SCTR: variants seen among roughly 807,000 people sequenced by gnomAD.
The protein encoded by SCTR is pancreatic secretin receptor.
A neutral mutation model predicts 60.8 loss-of-function variants in SCTR; 56 were observed. The ratio of observed to expected loss-of-function variants is 0.92; its 90% CI spans 0.74 to 1.15. The LOEUF is 1.15. Ranked by LOEUF, SCTR falls within the 50% of genes most tolerant of loss-of-function variation. SCTR has a pLI of 0.00. For synonymous variants in SCTR, 202 were observed against 217.0 expected (o/e 0.93, Z 0.61); for missense variants, 562 against 550.4 (o/e 1.02, Z -0.21).
At chr2:119,489,986 T>C (rs960970173) in intron 2 of SCTR, among the ~76,000 whole-genome samples, 1 of 152,176 alleles carries the variant, frequency 6.6e-6, no homozygotes, top group Admixed American at 6.5e-5. Context: ...CTGCTGTCAT[T>C]GGAATTTCAG....
At chr2:119,478,572 G>C (rs1022140621) in intron 3 of SCTR, among the ~76,000 whole-genome samples, 4 of 152,148 alleles carry the variant, frequency 2.6e-5, no homozygotes, top group African/African-American at 9.7e-5. Context: ...AGCAGGCCCA[G>C]CCTCCCTTAT....
intron 5 of SCTR, among the ~76,000 whole-genome samples, chr2:119,464,869 G>A (rs6721039): frequency 0.18 from 26,942 of 152,110 alleles, 2,530 homozygotes; most frequent in East Asian, 0.3. Context: ...GGGCACAGAA[G>A]GAACACAGGC....
At chr2:119,449,703 G>A (rs924465369) in intron 9 of SCTR, among the ~76,000 whole-genome samples, 8 of 152,118 alleles carry the variant, frequency 5.3e-5, no homozygotes, top group Non-Finnish European at 1.0e-4. Context: ...CCTCACACCC[G>A]CATTGTTCAC....
At chr2:119,502,806 A>T (rs535606047) in intron 1 of SCTR, among the ~76,000 whole-genome samples, 1 of 150,282 alleles carries the variant, frequency 6.7e-6, no homozygotes, top group African/African-American at 2.5e-5. Flanking sequence ...AACCTGGGCG[A>T]CAGAGTGAGA....
Position 119,448,761 on chromosome 2 carries a change from A to G in SCTR, c.941T>C (p.Ile314Thr). The change falls in exon 10 of 13, where the codon ATA (isoleucine) becomes ACA (threonine). Residue 314 changes from isoleucine (I) to threonine (T), a missense_variant. Ile to Thr is a moderately conservative substitution (Grantham distance 89). Coordinates refer to ENST00000019103, the MANE Select transcript of SCTR (RefSeq NM_002980.3). ...LSILINFILF[I>T]NILRILMRKL... ...TCTCATCAGGATTCTTAGAATGTTT[A>G]TGAAAAGGATGAAATTAATCTGCAA... The G allele has an allele frequency of 1.9e-6, 3 of 1,590,826 alleles. No individual in the cohort carries two copies. Among genetic ancestry groups the G allele is most frequent in the Non-Finnish European group, 2.6e-6 (3 of 1,158,910 alleles).
intron 11 of SCTR, among the ~76,000 whole-genome samples, chr2:119,444,058 G>A (rs1352399827): frequency 6.6e-6 from 1 of 151,506 alleles, no homozygotes; most frequent in Non-Finnish European, 1.5e-5. Context: ...GCTGGGGATA[G>A]GTAATGGGGT....
intron 1 of SCTR, among the ~76,000 whole-genome samples, chr2:119,516,481 A>G (rs930885628): frequency 6.6e-6 from 1 of 152,064 alleles, no homozygotes; most frequent in Non-Finnish European, 1.5e-5. Flanking sequence ...AAAATACTGC[A>G]TGATCTTACT....
intron 2 of SCTR, among the ~76,000 whole-genome samples, chr2:119,488,556 T>C (rs10164539): frequency 0.14 from 21,036 of 152,210 alleles, 3,760 homozygotes; most frequent in African/African-American, 0.41. Flanking sequence ...TCGGTCAACC[T>C]GGAATTGAGA....
chr2:119,489,678 G>T (rs1019146149), intron 2 of SCTR, among the ~76,000 whole-genome samples: 4 of 152,188 alleles, frequency 2.6e-5, no homozygotes, highest in African/African-American at 9.7e-5. Flanking sequence ...GAAGAAGATG[G>T]AGAATGGTGT....
intron 2 of SCTR, among the ~76,000 whole-genome samples, chr2:119,483,476 C>T (rs1482100759): frequency 6.6e-6 from 1 of 152,156 alleles, no homozygotes; most frequent in African/African-American, 2.4e-5. Context: ...CAGTGTTGAT[C>T]GTTTCCTGAA....
At chr2:119,481,194 A>C (rs1456624947) in intron 2 of SCTR, among the ~76,000 whole-genome samples, 2 of 152,260 alleles carry the variant, frequency 1.3e-5, no homozygotes, top group Non-Finnish European at 2.9e-5. Context: ...TGCGGTGTGC[A>C]GACATTGCGG....
intron 1 of SCTR, among the ~76,000 whole-genome samples, chr2:119,512,847 G>T (rs747166889): frequency 6.6e-6 from 1 of 152,080 alleles, no homozygotes; most frequent in Non-Finnish European, 1.5e-5. Flanking sequence ...TGTGGCTCAG[G>T]CATCATTTTC....
In SCTR at chr2:119,461,999, G is replaced by T. The variant is rs533627112; in HGVS notation, c.638C>A (p.Ala213Glu). ...DDVTYCDAHR[A>E]GCKLVMVLFQ... ...CAGCACCATGACCAGCTTGCAGCCC[G>T]CCTGGAGAGAGAGAGGCAGCTGAAC... The change falls in exon 7 of 13, where the codon GCG becomes GAG. Residue 213 changes from alanine (A) to glutamate (E), a missense_variant and splice_region_variant. Ala to Glu is a moderately radical substitution (Grantham distance 107). Coordinates refer to ENST00000019103, the MANE Select transcript of SCTR (RefSeq NM_002980.3). The T allele has an allele frequency of 2.7e-5, 43 of 1,598,360 alleles. No homozygotes were observed. The highest frequency in any genetic ancestry group is 1.7e-4 in the African/African-American group (13 of 74,286).
At position 119,488,802 on chromosome 2, in the gene SCTR, C is replaced by T. The variant is rs867351594; in HGVS notation, c.193+5626G>A. ...GTCATTCACTTATTCTCCACAACAGCGTCATGAAGTTGATCAGATTATTTT... is the reference window on the plus strand; with the variant it reads ...GTCATTCACTTATTCTCCACAACAGTGTCATGAAGTTGATCAGATTATTTT... On this transcript the variant is annotated intron_variant, in intron 2 of 12. Transcript: ENST00000019103. Among the ~76,000 whole-genome samples, 23 of 152,278 alleles carry T rather than the reference C, an allele frequency of 1.5e-4. 1 individual carries two copies. The highest frequency in any genetic ancestry group is 7.2e-4 in the Admixed American group (11 of 15,300).
At chr2:119,479,697 A>T (rs925312691) in intron 2 of SCTR, 6 of 152,238 alleles carry the variant, frequency 3.9e-5, no homozygotes, top group African/African-American at 1.4e-4. Context: ...GTTGCTTTCT[A>T]CATCACTTGA....
At chr2:119,458,591 A>ACT (rs1422182805) in intron 7 of SCTR, among the ~76,000 whole-genome samples, 1 of 143,780 alleles carries the variant, frequency 7.0e-6, no homozygotes, top group Non-Finnish European at 1.5e-5. Flanking sequence ...ACAGGGCAAG[A>ACT]CTCTCTCTCA....
chr2:119,479,906 A>T (rs1162454973), intron 2 of SCTR: 2 of 152,246 alleles, frequency 1.3e-5, no homozygotes, highest in African/African-American at 4.8e-5. Context: ...AAAAAAAATT[A>T]CTAGGTGTTT....
At chr2:119,509,838 C>T (rs539160167) in intron 1 of SCTR, among the ~76,000 whole-genome samples, 8 of 152,040 alleles carry the variant, frequency 5.3e-5, no homozygotes, top group Non-Finnish European at 1.0e-4. Flanking sequence ...CCCCTGGTAA[C>T]CTCTATTCTA....
intron 8 of SCTR, among the ~76,000 whole-genome samples, 166 bp from the exon 9 acceptor site, chr2:119,452,245 A>G (rs1683201953): frequency 6.6e-6 from 1 of 152,116 alleles, no homozygotes; most frequent in South Asian, 2.1e-4. Context: ...CCCTCCTGCC[A>G]CCCAGGAGCA....
Sources: allele counts gnomAD v4.1 joint callset (sites outside exome capture counted in the v4.1 genomes callset), GRCh38; gene constraint gnomAD v4.1.1; transcripts MANE v1.5; gene names NCBI Gene and HGNC (gene_info 2026-07-23, HGNC 2026-07-21).